The following MTMR3 variants were observed in gnomAD, a reference collection of about 807,000 sequenced individuals.
The protein encoded by MTMR3 is myotubularin related protein 3, also known as phosphatidylinositol-3,5-bisphosphate 3-phosphatase MTMR3.
In MTMR3, 32 loss-of-function variants were observed where a neutral mutation model predicts 132.4. The ratio of observed to expected loss-of-function variants is 0.24; its 90% CI spans 0.18 to 0.32. The LOEUF (loss-of-function observed/expected upper bound fraction) is 0.32. Among genes scored for constraint, MTMR3 ranks in the 10% least tolerant of loss-of-function variants. MTMR3 has a pLI of 1.00. For synonymous variants in MTMR3, 556 were observed against 550.3 expected (o/e 1.01, Z -0.14); for missense variants, 1,216 against 1,489.6 (o/e 0.82, Z 3.02).
chr22:30,002,805 G>GTC (rs534905247), intron 8 of MTMR3, 75 bp from the exon 9 acceptor site: 224 of 1,094,626 alleles, frequency 2.0e-4, no homozygotes, highest in South Asian at 1.3e-3. Context: ...CTCACCTAGT[G>GTC]TCTCTCTCTC....
In MTMR3 at chr22:29,978,443, A is replaced by T; in HGVS notation, c.5A>T (p.Asp2Val). M[D>V]EETRHSLECI... ...TTTTAAGGTTTTGGACTTTTCCAGGATGAAGAGACTCGGCACAGCCTTGAG... is the reference window on the plus strand; with the variant it reads ...TTTTAAGGTTTTGGACTTTTCCAGGTTGAAGAGACTCGGCACAGCCTTGAG... Residue 2 changes from aspartate to valine, a missense_variant and splice_region_variant, in exon 4 of 20, where the codon GAT becomes GTT. Transcript: ENST00000401950. 6.2e-7 allele frequency: 1 copy of T among 1,611,120 alleles called. No homozygotes were observed. The highest frequency in any genetic ancestry group is 8.5e-7 in the Non-Finnish European group (1 of 1,178,050).
chr22:29,926,962 G>T (rs1003860883), intron 1 of MTMR3, among the ~76,000 whole-genome samples: 2 of 152,186 alleles, frequency 1.3e-5, no homozygotes, highest in African/African-American at 4.8e-5. Flanking sequence ...AAGTTTAATA[G>T]TTTTTGCACT....
chr22:29,955,499 G>A (rs917258784), intron 1 of MTMR3, among the ~76,000 whole-genome samples: 3 of 152,054 alleles, frequency 2.0e-5, no homozygotes, highest in Middle Eastern at 3.2e-3. Context: ...AGCAAGACTG[G>A]TCTTCATACT....
intron 1 of MTMR3, among the ~76,000 whole-genome samples, chr22:29,951,122 G>C (rs1401144189): frequency 6.6e-6 from 1 of 151,902 alleles, no homozygotes; most frequent in Non-Finnish European, 1.5e-5. Context: ...TTGCACTCCA[G>C]CCTGGCCATA....
intron 1 of MTMR3, among the ~76,000 whole-genome samples, chr22:29,887,428 A>G (rs1398932735): frequency 5.9e-5 from 9 of 152,220 alleles, no homozygotes; most frequent in Non-Finnish European, 1.2e-4. Flanking sequence ...TTAGAATCCT[A>G]TTTTATGTCT....
At chr22:29,948,590 G>GAA (rs2065995257) in intron 1 of MTMR3, among the ~76,000 whole-genome samples, 1 of 152,124 alleles carries the variant, frequency 6.6e-6, no homozygotes, top group Non-Finnish European at 1.5e-5. Flanking sequence ...TGGCAAGCCA[G>GAA]CCTTCAAATT....
At chr22:29,949,127 ACACACACACACACACACCCCCCCC>A (rs1439040252) in intron 1 of MTMR3, among the ~76,000 whole-genome samples, 2 of 30,728 alleles carry the variant, frequency 6.5e-5, no homozygotes, top group African/African-American at 2.0e-4. Context: ...ACACACACAC[ACACACACACACACACACCCCCCCC>A]CCCCCCCCCG....
At chr22:30,004,273 A>C (rs1340492292) in intron 9 of MTMR3, 1 of 152,230 alleles carries the variant, frequency 6.6e-6, no homozygotes, top group African/African-American at 2.4e-5. Context: ...ATCAATGATC[A>C]GCTCAGCTGG....
At chr22:29,968,596 C>T (rs1602590045) in intron 2 of MTMR3, among the ~76,000 whole-genome samples, 1 of 152,106 alleles carries the variant, frequency 6.6e-6, no homozygotes, top group Non-Finnish European at 1.5e-5. Context: ...ATTTCTGTTA[C>T]ACCATCACCA....
intron 1 of MTMR3, among the ~76,000 whole-genome samples, chr22:29,891,958 T>C (rs1402001278): frequency 6.6e-6 from 1 of 151,798 alleles, no homozygotes; most frequent in Non-Finnish European, 1.5e-5. Flanking sequence ...ATCGAGACCA[T>C]CCTGGCTAAC....
At position 29,921,917 on chromosome 22, in the gene MTMR3, C is replaced by T. The variant is rs966831756; in HGVS notation, c.-137-35119C>T. 4.0e-5 allele frequency among the ~76,000 whole-genome samples: 6 copies of T among 149,442 alleles called. No homozygotes were observed. The East Asian group carries it at 5.9e-4, about 15-fold the overall frequency. Reference sequence around the variant, plus strand: ...AGGCTGGAGTGCGGTGGTGCCATCTCGGCTTGCTGCAACCTCGACCTCTTG... The same window carrying T: ...AGGCTGGAGTGCGGTGGTGCCATCTTGGCTTGCTGCAACCTCGACCTCTTG... On this transcript the variant is annotated intron_variant, in intron 1 of 19. Transcript: ENST00000401950.
chr22:29,965,611 G>A (rs2066399649), intron 2 of MTMR3, among the ~76,000 whole-genome samples: 1 of 152,174 alleles, frequency 6.6e-6, no homozygotes, highest in African/African-American at 2.4e-5. Context: ...CTTGAATCCG[G>A]GAGGCAGAGG....
At chr22:30,021,904 C>T in intron 17 of MTMR3, 125 bp from the exon 18 acceptor site, 1 of 691,918 alleles carries the variant, frequency 1.4e-6, no homozygotes, top group East Asian at 2.7e-5. Flanking sequence ...GATGCATCTG[C>T]AGATTCGGCA....
chr22:29,953,742 A>G (rs1420300806), intron 1 of MTMR3, among the ~76,000 whole-genome samples: 1 of 152,206 alleles, frequency 6.6e-6, no homozygotes, highest in African/African-American at 2.4e-5. Flanking sequence ...ACTTCCAGAA[A>G]GGTGTATTTA....
At chr22:29,910,327 C>T (rs1265781709) in intron 1 of MTMR3, among the ~76,000 whole-genome samples, 1 of 152,142 alleles carries the variant, frequency 6.6e-6, no homozygotes, top group East Asian at 1.9e-4. Flanking sequence ...AAGGTAAATA[C>T]TGTAGTTGGT....
At chr22:30,012,176 T>G in intron 12 of MTMR3, 192 bp from the exon 13 acceptor site, 1 of 565,296 alleles carries the variant, frequency 1.8e-6, no homozygotes, top group Admixed American at 3.5e-5. Flanking sequence ...CTAAGGCTCT[T>G]CTCTATTGTA....
At chr22:29,916,531 A>G (rs1206634758) in intron 1 of MTMR3, among the ~76,000 whole-genome samples, 1 of 148,544 alleles carries the variant, frequency 6.7e-6, no homozygotes, top group African/African-American at 2.5e-5. Flanking sequence ...AGGCACAGGT[A>G]ATTTGCTTGT....
chr22:29,943,743 T>C (rs2065901269), intron 1 of MTMR3, among the ~76,000 whole-genome samples: 1 of 152,094 alleles, frequency 6.6e-6, no homozygotes, highest in African/African-American at 2.4e-5. Flanking sequence ...GATAGACTTT[T>C]AGTTTAGGCA....
At chr22:29,988,927 A>T (rs150573782) in intron 6 of MTMR3, 1,717 of 154,566 alleles carry the variant, frequency 0.011, 13 homozygotes, top group Admixed American at 0.013. Flanking sequence ...ACAGATTGAG[A>T]GTAAGTTACG....
Sources: gnomAD v4.1 joint callset for allele counts (sites outside exome capture counted in the v4.1 genomes callset) on GRCh38, gnomAD v4.1.1 for gene constraint, MANE v1.5 for transcripts, NCBI Gene and HGNC (gene_info 2026-07-23, HGNC 2026-07-21) for gene names.